Variants in NPAS3 observed in about 807,000 individuals in gnomAD.
NPAS3 encodes neuronal PAS domain-containing protein 3.
A neutral mutation model predicts 73.1 loss-of-function variants in NPAS3; 14 were observed. That is an observed-to-expected ratio of 0.19 (90% CI 0.13 to 0.30). The LOEUF (loss-of-function observed/expected upper bound fraction) is 0.30, where lower values mean the gene tolerates loss of function less well. NPAS3 is among the 10% of genes least tolerant of loss of function. The pLI, the probability that NPAS3 is intolerant of heterozygous loss-of-function variation, is 1.00. For missense variants in NPAS3, 1,096 were observed against 1,250.0 expected, an observed-to-expected ratio of 0.88 and a Z score of 1.86; for synonymous variants, 620 against 541.5, an observed-to-expected ratio of 1.14 and a Z score of -2.01.
At chr14:33,131,086 C>G (rs2043618296) in intron 2 of NPAS3, among the ~76,000 whole-genome samples, 1 of 152,078 alleles carries the variant, frequency 6.6e-6, no homozygotes, top group Non-Finnish European at 1.5e-5. Flanking sequence ...CCCTTGTTGT[C>G]CTCTACTTGT....
intron 2 of NPAS3, among the ~76,000 whole-genome samples, chr14:33,148,801 C>A (rs1488772282): frequency 6.6e-6 from 1 of 152,110 alleles, no homozygotes; most frequent in Non-Finnish European, 1.5e-5. Context: ...AATATTCCCA[C>A]CTCAGCGTCC....
At chr14:33,214,473 T>G (rs2047148391) in intron 2 of NPAS3, 1 of 152,256 alleles carries the variant, frequency 6.6e-6, no homozygotes, top group South Asian at 2.1e-4. Flanking sequence ...TTTGACTTCT[T>G]TGGGCAATAT....
intron 2 of NPAS3, among the ~76,000 whole-genome samples, chr14:33,148,160 A>C (rs1351151026): frequency 6.6e-6 from 1 of 152,176 alleles, no homozygotes; most frequent in Admixed American, 6.5e-5. Flanking sequence ...TGTGTGGTTA[A>C]ATTTTGTTCC....
chr14:33,352,888 G>A (rs908791034), intron 3 of NPAS3, among the ~76,000 whole-genome samples: 4 of 152,176 alleles, frequency 2.6e-5, no homozygotes, highest in African/African-American at 7.2e-5. Flanking sequence ...AATGGTGCAA[G>A]TGAATAAAAG....
chr14:33,018,114 G>A (rs11846406), intron 1 of NPAS3, among the ~76,000 whole-genome samples: 9,219 of 152,192 alleles, frequency 0.061, 353 homozygotes, highest in East Asian at 0.12. Flanking sequence ...TTTTTCTCCA[G>A]CAATTTGTTA....
At chr14:33,645,432 A>C (rs926218156) in intron 5 of NPAS3, among the ~76,000 whole-genome samples, 5 of 152,222 alleles carry the variant, frequency 3.3e-5, no homozygotes, top group Non-Finnish European at 5.9e-5. Flanking sequence ...TAATCAATGA[A>C]ATATGGTCTA....
intron 2 of NPAS3, among the ~76,000 whole-genome samples, chr14:33,170,542 G>C (rs181692120): frequency 6.6e-6 from 1 of 152,270 alleles, no homozygotes; most frequent in East Asian, 1.9e-4. Context: ...CCATGTGATA[G>C]CATTTTATCC....
At chr14:33,752,150 A>G (rs1346515423) in intron 7 of NPAS3, among the ~76,000 whole-genome samples, 1 of 152,224 alleles carries the variant, frequency 6.6e-6, no homozygotes, top group Non-Finnish European at 1.5e-5. Flanking sequence ...CAGCATCTGC[A>G]TAGGCTTTAC....
chr14:33,309,529 A>T (rs1468162903), intron 3 of NPAS3, among the ~76,000 whole-genome samples: 1 of 152,162 alleles, frequency 6.6e-6, no homozygotes, highest in Non-Finnish European at 1.5e-5. Flanking sequence ...TTAGGATAGG[A>T]GACAGTTGGT....
intron 4 of NPAS3, among the ~76,000 whole-genome samples, chr14:33,522,510 C>T (rs976871406): frequency 6.6e-6 from 1 of 151,978 alleles, no homozygotes; most frequent in Non-Finnish European, 1.5e-5. Context: ...ATAATAAAAA[C>T]GCCTCTACTC....
rs1358615015 is a variant in NPAS3, at chr14:33,145,410, A to G, written c.141-69772A>G. 4.0e-5 allele frequency among the ~76,000 whole-genome samples: 6 copies of G among 151,750 alleles called. No homozygotes were observed. In the South Asian group the frequency reaches 1.3e-3, roughly 32 times the overall value. On this transcript the variant is annotated intron_variant, in intron 2 of 11. Coordinates refer to ENST00000356141, the Ensembl canonical transcript of NPAS3. ...TCATGATATGCTCCTTTGATTTGAA[A>G]CCTTTTTTCTCCTTTGCAAATTAAG... is the stretch of plus-strand genomic sequence containing the variant.
chr14:33,286,020 GTT>G (rs928308466), intron 3 of NPAS3, among the ~76,000 whole-genome samples: 2 of 152,074 alleles, frequency 1.3e-5, no homozygotes, highest in African/African-American at 4.8e-5. Flanking sequence ...GTCTTTGTTA[GTT>G]TGTCTCCCCT....
At chr14:33,107,218 A>G (rs985142573) in intron 2 of NPAS3, among the ~76,000 whole-genome samples, 4 of 151,878 alleles carry the variant, frequency 2.6e-5, no homozygotes, top group Admixed American at 6.6e-5. Flanking sequence ...TTGGGGCTTT[A>G]TGCTCTGTAA....
At chr14:33,128,319 TG>T (rs1406895225) in intron 2 of NPAS3, among the ~76,000 whole-genome samples, 1 of 152,176 alleles carries the variant, frequency 6.6e-6, no homozygotes, top group Non-Finnish European at 1.5e-5. Flanking sequence ...AGGATCTGTG[TG>T]GAAAAATATT....
intron 4 of NPAS3, among the ~76,000 whole-genome samples, chr14:33,558,540 A>T: frequency 6.6e-6 from 1 of 152,122 alleles, no homozygotes; most frequent in Non-Finnish European, 1.5e-5. Context: ...GATTACAGGC[A>T]TGAGCCACTG....
In NPAS3 at chr14:33,065,538, T is replaced by A. The variant is rs146690342; in HGVS notation, c.140+9544T>A. ...ATGCAACGGAAGCATTGTTGGGTTA[T>A]TTTTTCATTGGCAAATTTGAGACGT... On this transcript the variant is annotated intron_variant, in intron 2 of 11. Transcript: ENST00000356141. 2.0e-5 allele frequency among the ~76,000 whole-genome samples: 3 copies of A among 152,132 alleles called. No homozygotes were observed. In the East Asian group the frequency reaches 5.8e-4, roughly 29 times the overall value.
chr14:32,971,339 C>A (rs1037694213), intron 1 of NPAS3, among the ~76,000 whole-genome samples: 2 of 152,140 alleles, frequency 1.3e-5, no homozygotes, highest in African/African-American at 4.8e-5. Context: ...CCTGCCTTGG[C>A]CTCCCAAAGT....
At chr14:33,147,427 C>T (rs1035317660) in intron 2 of NPAS3, among the ~76,000 whole-genome samples, 1 of 152,056 alleles carries the variant, frequency 6.6e-6, no homozygotes, top group Non-Finnish European at 1.5e-5. Flanking sequence ...TGATTAATGA[C>T]AAACTTGCTT....
At chr14:33,483,523 G>C (rs2051432502) in intron 4 of NPAS3, among the ~76,000 whole-genome samples, 1 of 152,140 alleles carries the variant, frequency 6.6e-6, no homozygotes, top group Non-Finnish European at 1.5e-5. Flanking sequence ...TTTTCATTCA[G>C]CTCTAAAAGC....
Sources: allele counts gnomAD v4.1 joint callset (sites outside exome capture counted in the v4.1 genomes callset), GRCh38; gene constraint gnomAD v4.1.1; transcripts MANE v1.5; gene names NCBI Gene and HGNC (gene_info 2026-07-23, HGNC 2026-07-21).